SLC24A3: variants seen among roughly 807,000 people sequenced by gnomAD.
SLC24A3 encodes the protein solute carrier family 24 member 3.
Under a neutral mutation model 75.8 loss-of-function variants are expected in SLC24A3, and 28 were observed. That is an observed-to-expected ratio of 0.37 (90% CI 0.27 to 0.51). The LOEUF (loss-of-function observed/expected upper bound fraction) is 0.51. Ranked by LOEUF, SLC24A3 falls within the 20% of genes least tolerant of loss-of-function variation. The pLI is 0.94. For synonymous variants in SLC24A3, 372 were observed against 334.1 expected (o/e 1.11, Z -1.24); for missense variants, 663 against 847.8 (o/e 0.78, Z 2.71).
intron 2 of SLC24A3, among the ~76,000 whole-genome samples, chr20:19,360,001 C>G (rs759598907): frequency 3.3e-5 from 5 of 152,114 alleles, no homozygotes; most frequent in Non-Finnish European, 5.9e-5. Flanking sequence ...GTCCAGTCTA[C>G]ACATGTAAAG....
At chr20:19,557,176 A>G (rs763488063) in intron 3 of SLC24A3, among the ~76,000 whole-genome samples, 1 of 152,126 alleles carries the variant, frequency 6.6e-6, no homozygotes, top group Non-Finnish European at 1.5e-5. Context: ...TGACTTTTCT[A>G]TGGCTTTTAT....
chr20:19,716,062 T>C (rs1256835296), intron 15 of SLC24A3, among the ~76,000 whole-genome samples: 1 of 152,198 alleles, frequency 6.6e-6, no homozygotes, highest in Non-Finnish European at 1.5e-5. Flanking sequence ...CAGAATCACC[T>C]GGAGTTAAAG....
intron 2 of SLC24A3, among the ~76,000 whole-genome samples, chr20:19,423,883 C>T (rs904416866): frequency 4.6e-5 from 7 of 152,004 alleles, no homozygotes; most frequent in Non-Finnish European, 8.8e-5. Flanking sequence ...GTGCATGATA[C>T]GATGGAGGTA....
intron 2 of SLC24A3, among the ~76,000 whole-genome samples, chr20:19,460,237 G>C (rs1351590047): frequency 6.6e-6 from 1 of 152,110 alleles, no homozygotes; most frequent in Non-Finnish European, 1.5e-5. Flanking sequence ...CCTCTCACTA[G>C]TCCTGGCTCT....
At chr20:19,483,002 T>C (rs1988081367) in intron 2 of SLC24A3, among the ~76,000 whole-genome samples, 1 of 152,230 alleles carries the variant, frequency 6.6e-6, no homozygotes, top group Non-Finnish European at 1.5e-5. Flanking sequence ...GCACATGATG[T>C]AGTCTTGCTG....
chr20:19,449,819 T>C (rs1190727232), intron 2 of SLC24A3, among the ~76,000 whole-genome samples: 3 of 152,212 alleles, frequency 2.0e-5, no homozygotes, highest in Admixed American at 2.0e-4. Flanking sequence ...ACCCCAGCCC[T>C]TGAAGGGCTC....
chr20:19,254,253 GA>G (rs1401116896), intron 1 of SLC24A3, among the ~76,000 whole-genome samples: 1 of 152,136 alleles, frequency 6.6e-6, no homozygotes, highest in Non-Finnish European at 1.5e-5. Context: ...CTTCATTTGT[GA>G]GGTCACCTCA....
chr20:19,576,478 G>A (rs555578708), intron 3 of SLC24A3, among the ~76,000 whole-genome samples: 3 of 152,246 alleles, frequency 2.0e-5, no homozygotes, highest in South Asian at 4.1e-4. Context: ...CAGGCCCACC[G>A]TCAGGTGCCA....
chr20:19,363,183 T>C (rs1985823515), intron 2 of SLC24A3, among the ~76,000 whole-genome samples: 1 of 152,216 alleles, frequency 6.6e-6, no homozygotes. Context: ...GTGAGGAAGA[T>C]TGGGGCATGG....
intron 2 of SLC24A3, among the ~76,000 whole-genome samples, chr20:19,412,105 A>T (rs1330869538): frequency 6.6e-6 from 1 of 152,198 alleles, no homozygotes; most frequent in Non-Finnish European, 1.5e-5. Context: ...CCACTAGGCA[A>T]ATTCTGAACT....
At chr20:19,493,627 G>A (rs1363275219) in intron 2 of SLC24A3, among the ~76,000 whole-genome samples, 2 of 152,190 alleles carry the variant, frequency 1.3e-5, no homozygotes, top group Non-Finnish European at 1.5e-5. Context: ...GTCAGGGGGT[G>A]GGTAAGAGGA....
chr20:19,227,388 T>A (rs945680994), intron 1 of SLC24A3, among the ~76,000 whole-genome samples: 2 of 141,532 alleles, frequency 1.4e-5, no homozygotes, highest in Non-Finnish European at 3.0e-5. Context: ...AAAAGTCTTG[T>A]TCATTCTTTT....
intron 6 of SLC24A3, among the ~76,000 whole-genome samples, chr20:19,595,837 G>A (rs1288576899): frequency 2.6e-5 from 4 of 152,318 alleles, no homozygotes; most frequent in Admixed American, 1.3e-4. Context: ...CAGCTTTAGC[G>A]AGGGTGATCG....
At chr20:19,502,468 G>T (rs564108232) in intron 2 of SLC24A3, among the ~76,000 whole-genome samples, 1 of 152,094 alleles carries the variant, frequency 6.6e-6, no homozygotes, top group Non-Finnish European at 1.5e-5. Flanking sequence ...TTGATAAACA[G>T]TTCAGATGCT....
intron 1 of SLC24A3, among the ~76,000 whole-genome samples, chr20:19,235,090 A>G (rs1021232257): frequency 6.6e-6 from 1 of 152,212 alleles, no homozygotes; most frequent in Non-Finnish European, 1.5e-5. Context: ...TATATCCTCT[A>G]CTGTCCTTTA....
chr20:19,696,943 G>A (rs377595496), intron 14 of SLC24A3, 32 bp downstream of exon 14: 2 of 842,434 alleles, frequency 2.4e-6, no homozygotes, highest in Non-Finnish European at 3.8e-6. Flanking sequence ...GGGAAGGAGG[G>A]AGGGAGGGAG....
chr20:19,406,181 G>GGTGTGTGT (rs372463704), intron 2 of SLC24A3, among the ~76,000 whole-genome samples: 15 of 145,444 alleles, frequency 1.0e-4, no homozygotes, highest in East Asian at 6.1e-4. Flanking sequence ...TTTTAAAGAT[G>GGTGTGTGT]GTGTGTGTGT....
chr20:19,328,073 C>T (rs549677206), intron 2 of SLC24A3, among the ~76,000 whole-genome samples: 3 of 152,152 alleles, frequency 2.0e-5, no homozygotes, highest in African/African-American at 7.2e-5. Context: ...GACATTTGAG[C>T]AGTCTCTGAA....
chr20:19,534,948 A>G (rs1043608295), intron 3 of SLC24A3, among the ~76,000 whole-genome samples: 1 of 152,260 alleles, frequency 6.6e-6, no homozygotes, highest in African/African-American at 2.4e-5. Flanking sequence ...CTAACTTACT[A>G]TGTATTTTCT....
Sources: allele counts gnomAD v4.1 joint callset (sites outside exome capture counted in the v4.1 genomes callset), GRCh38; gene constraint gnomAD v4.1.1; transcripts MANE v1.5; gene names NCBI Gene and HGNC (gene_info 2026-07-23, HGNC 2026-07-21).